The following NBPF12 variants were observed in gnomAD, a reference collection of about 807,000 sequenced individuals.
NBPF12 encodes NBPF member 12.
NBPF12 carries 115 observed loss-of-function variants against 146.4 expected under a neutral mutation model. The observed-to-expected ratio is 0.79, with a 90% confidence interval of 0.68 to 0.92. NBPF12 has a LOEUF of 0.92. NBPF12 is among the 40% of genes least tolerant of loss of function. The pLI, the probability that NBPF12 is intolerant of heterozygous loss-of-function variation, is 0.00. For missense variants in NBPF12, 1,205 were observed against 1,326.8 expected (o/e 0.91, Z 1.43); for synonymous variants, 385 against 508.9 (o/e 0.76, Z 3.28).
upstream of NBPF12, among the ~76,000 whole-genome samples, chr1:146,948,973 A>G (rs1655199943): frequency 1.3e-5 from 2 of 151,718 alleles, no homozygotes; most frequent in Non-Finnish European, 2.9e-5. Context: ...CATCAAAAGC[A>G]CAGCACTTTT....
intron 16 of NBPF12, among the ~76,000 whole-genome samples, chr1:146,976,622 A>G (rs1206692939): frequency 1.1e-4 from 17 of 150,428 alleles, no homozygotes; most frequent in African/African-American, 3.5e-4. Context: ...TGGGAATCAG[A>G]TCTGGCAGGA....
chr1:146,966,874 G>C (rs1294741905), intron 9 of NBPF12, among the ~76,000 whole-genome samples: 7 of 149,986 alleles, frequency 4.7e-5, no homozygotes, highest in Non-Finnish European at 7.4e-5. Context: ...TTGCAATCAG[G>C]TGGGGGTGGG....
At chr1:146,954,389 C>CAAAAAAAAA (rs1170420550) in intron 2 of NBPF12, among the ~76,000 whole-genome samples, 5 of 24,024 alleles carry the variant, frequency 2.1e-4, no homozygotes, top group Admixed American at 6.9e-4. Context: ...GACTCTGTCT[C>CAAAAAAAAA]AAAAAAAAAA....
chr1:146,984,936 C>G lies in NBPF12; in HGVS notation c.2790C>G (p.Ala930=), dbSNP rs1456151901. The change falls in exon 22 of 34, where the codon GCC becomes GCG. Residue 930 remains alanine, a synonymous_variant. Transcript: ENST00000617844. Reference sequence around the variant, plus strand: ...ACTCATGCCAGCCCTACAGAAGTGCCTTTTACGTATTGGAGCAACAGCGTG... The same window carrying G: ...ACTCATGCCAGCCCTACAGAAGTGCGTTTTACGTATTGGAGCAACAGCGTG... 32 of 1,536,528 alleles carry G rather than the reference C, an allele frequency of 2.1e-5. No individual in the cohort carries two copies. The Admixed American group carries it at 2.4e-4, about 12-fold the overall frequency.
chr1:146,947,182 A>G (rs2101816227), upstream of NBPF12, among the ~76,000 whole-genome samples: 1 of 151,762 alleles, frequency 6.6e-6, no homozygotes, highest in East Asian at 2.0e-4. Flanking sequence ...AAACTTGGAA[A>G]TGTGTAAGAT....
At chr1:146,944,987 CCTTCCTCCCTCCCTCCCTT>C (rs1654971160), upstream of NBPF12, among the ~76,000 whole-genome samples, 1 of 45,364 alleles carries the variant, frequency 2.2e-5, no homozygotes, top group Non-Finnish European at 4.0e-5. Context: ...TCCCTGCCTT[CCTTCCTCCCTCCCTCCCTT>C]CCTTCCTCCC....
intron 8 of NBPF12, 71 bp downstream of exon 11, chr1:146,965,175 T>C: frequency 1.2e-6 from 1 of 868,752 alleles, no homozygotes; most frequent in Non-Finnish European, 2.0e-6. Flanking sequence ...GGACAGGCTG[T>C]ATATACACAT....
In NBPF12 at chr1:146,981,459, C is replaced by T. The variant is rs1446833201; in HGVS notation, c.2451-1469C>T. Reference sequence around the variant, plus strand: ...GATGGGCTTCCCTTTGTGGGTAATCCGACCTTTCTCTCTGGCTGCCCTTAG... The same window carrying T: ...GATGGGCTTCCCTTTGTGGGTAATCTGACCTTTCTCTCTGGCTGCCCTTAG... On this transcript the variant is annotated intron_variant, in intron 19 of 33. Transcript: ENST00000617844. Among the ~76,000 whole-genome samples the T allele has an allele frequency of 2.9e-3, 436 of 151,150 alleles. 1 individual carries two copies. Among genetic ancestry groups the T allele is most frequent in the Admixed American group, 4.3e-3 (65 of 15,146 alleles).
intron 8 of NBPF12, among the ~76,000 whole-genome samples, chr1:146,965,306 C>T: frequency 6.6e-6 from 1 of 151,226 alleles, no homozygotes. Context: ...TGAAGACCAG[C>T]CTGGAGTATA....
chr1:146,960,212 A>G (rs1220887301), exon 4 of NBPF12: 1 of 968,590 alleles, frequency 1.0e-6, no homozygotes, highest in Non-Finnish European at 1.6e-6. Context: ...TCAACGAGAA[A>G]TTGCGCCCCC....
upstream of NBPF12, among the ~76,000 whole-genome samples, chr1:146,944,851 TCTCA>T (rs1234833277): frequency 8.0e-5 from 12 of 149,490 alleles, no homozygotes; most frequent in South Asian, 2.5e-3. Context: ...TCTTTCTCTC[TCTCA>T]TTCTTTCCCT....
intron 1 of NBPF12, among the ~76,000 whole-genome samples, chr1:146,939,386 T>C (rs1476661246): frequency 6.6e-5 from 10 of 152,018 alleles, no homozygotes; most frequent in African/African-American, 2.4e-4. Flanking sequence ...AGTTGGGGTC[T>C]TTATTGGCCT....
At chr1:146,964,403 G>A in exon 7 of NBPF12, 2 of 1,601,816 alleles carry the variant, frequency 1.2e-6, no homozygotes. Context: ...AGGAGGATGA[G>A]AAAGTACTGG....
exon 18 of NBPF12, chr1:146,977,483 A>G: frequency 6.2e-7 from 1 of 1,604,926 alleles, no homozygotes; most frequent in East Asian, 2.2e-5. Context: ...CAGAAGGCTG[A>G]AGAAAAGGAA....
chr1:146,971,393 A>G, exon 13 of NBPF12: 6 of 1,609,362 alleles, frequency 3.7e-6, no homozygotes, highest in Non-Finnish European at 5.1e-6. Context: ...ACATTCTCCC[A>G]GGTAGCCTCT....
chr1:146,944,420 C>A (rs1340476083), upstream of NBPF12, among the ~76,000 whole-genome samples: 1 of 146,152 alleles, frequency 6.8e-6, no homozygotes, highest in African/African-American at 2.5e-5. Flanking sequence ...GGAGGGAAGT[C>A]CAGTGAGAAT....
chr1:146,970,879 G>A (rs1212931652), intron 12 of NBPF12, among the ~76,000 whole-genome samples, 160 bp downstream of exon 15: 64 of 151,520 alleles, frequency 4.2e-4, no homozygotes, highest in African/African-American at 7.8e-4. Context: ...GGCAGCTGTC[G>A]TGTTTCTGTA....
At chr1:146,949,692 GC>G (rs1655238521) in intron 1 of NBPF12, among the ~76,000 whole-genome samples, 1 of 139,920 alleles carries the variant, frequency 7.1e-6, no homozygotes, top group African/African-American at 2.8e-5. Context: ...TTTTCCTAGA[GC>G]TCAAGCTATT....
chr1:146,989,336 C>T (rs1465825178), intron 27 of NBPF12, among the ~76,000 whole-genome samples: 1 of 104,074 alleles, frequency 9.6e-6, no homozygotes, highest in East Asian at 2.8e-4. Flanking sequence ...CTCACTTTCT[C>T]TCTGTCTCTG....
Sources: allele counts gnomAD v4.1 joint callset (sites outside exome capture counted in the v4.1 genomes callset), GRCh38; gene constraint gnomAD v4.1.1; transcripts MANE v1.5; gene names NCBI Gene and HGNC (gene_info 2026-07-23, HGNC 2026-07-21).